CSMD1: variants seen among roughly 807,000 people sequenced by gnomAD.
CSMD1 encodes CUB and sushi domain-containing protein 1.
A neutral mutation model predicts 417.5 loss-of-function variants in CSMD1; 213 were observed. That is an observed-to-expected ratio of 0.51 (90% CI 0.46 to 0.57). The LOEUF (loss-of-function observed/expected upper bound fraction) is 0.57. Ranked by LOEUF, CSMD1 falls within the 20% of genes least tolerant of loss-of-function variation. The probability of loss-of-function intolerance (pLI) is 0.00; values close to 1 mark genes in which losing one functional copy is unlikely to be tolerated. For missense variants in CSMD1, 6,923 were observed against 4,529.7 expected (o/e 1.53, Z -15.17); for synonymous variants, 2,862 against 1,736.8 (o/e 1.65, Z -16.11).
At chr8:4,893,893 A>G (rs1804296536) in intron 1 of CSMD1, among the ~76,000 whole-genome samples, 1 of 152,016 alleles carries the variant, frequency 6.6e-6, no homozygotes, top group Admixed American at 6.6e-5. Context: ...AATCTATTTA[A>G]CCAAGGGGGC....
chr8:4,467,789 T>G (rs1800272159), intron 2 of CSMD1, among the ~76,000 whole-genome samples: 1 of 152,194 alleles, frequency 6.6e-6, no homozygotes, highest in Non-Finnish European at 1.5e-5. Context: ...TTACTATTTC[T>G]TATATGGGGA....
At chr8:3,871,086 A>G (rs1286073148) in intron 5 of CSMD1, among the ~76,000 whole-genome samples, 1 of 152,070 alleles carries the variant, frequency 6.6e-6, no homozygotes, top group Non-Finnish European at 1.5e-5. Flanking sequence ...AGCCTTATTT[A>G]ACAATTGTCC....
intron 37 of CSMD1, among the ~76,000 whole-genome samples, chr8:3,175,973 C>T (rs1484180908): frequency 6.6e-6 from 1 of 152,096 alleles, no homozygotes; most frequent in African/African-American, 2.4e-5. Context: ...ATAACTGCAA[C>T]AGTCTTTTGC....
intron 1 of CSMD1, among the ~76,000 whole-genome samples, chr8:4,854,582 G>T (rs189288338): frequency 2.0e-5 from 3 of 152,198 alleles, no homozygotes; most frequent in African/African-American, 7.2e-5. Context: ...GAAGCAGGGC[G>T]AGGCATTGCC....
intron 5 of CSMD1, among the ~76,000 whole-genome samples, chr8:3,955,155 A>C (rs1365498409): frequency 2.0e-5 from 3 of 152,126 alleles, no homozygotes; most frequent in Admixed American, 1.3e-4. Context: ...AGACAGAAGC[A>C]CTGACTGTCC....
At chr8:4,290,070 G>T (rs541552554) in intron 3 of CSMD1, among the ~76,000 whole-genome samples, 2 of 152,100 alleles carry the variant, frequency 1.3e-5, no homozygotes, top group Non-Finnish European at 2.9e-5. Flanking sequence ...AATTCAGCAC[G>T]GTCTTTTTTA....
At chr8:4,177,191 C>T (rs567458176) in intron 3 of CSMD1, among the ~76,000 whole-genome samples, 1 of 152,198 alleles carries the variant, frequency 6.6e-6, no homozygotes, top group South Asian at 2.1e-4. Context: ...TAAAGCTCTC[C>T]TCAGCAAATG....
chr8:4,674,330 G>C (rs1267633796), intron 1 of CSMD1, among the ~76,000 whole-genome samples: 2 of 152,122 alleles, frequency 1.3e-5, no homozygotes, highest in African/African-American at 4.8e-5. Flanking sequence ...AAAATGCTAA[G>C]GAAGGTAAAC....
chr8:3,785,653 G>C (rs1362187683), intron 5 of CSMD1, among the ~76,000 whole-genome samples: 1 of 152,178 alleles, frequency 6.6e-6, no homozygotes, highest in South Asian at 2.1e-4. Flanking sequence ...TGAAGGAAGA[G>C]TTGGCATCGC....
intron 3 of CSMD1, among the ~76,000 whole-genome samples, chr8:4,167,268 C>T (rs986956149): frequency 2.0e-5 from 3 of 152,040 alleles, no homozygotes; most frequent in African/African-American, 4.8e-5. Flanking sequence ...ACAGTTTTTC[C>T]TTGCAGTTTA....
chr8:3,664,462 G>A (rs1350271301), intron 7 of CSMD1, among the ~76,000 whole-genome samples: 6 of 152,206 alleles, frequency 3.9e-5, no homozygotes, highest in Non-Finnish European at 8.8e-5. Flanking sequence ...TGCTCAGAAA[G>A]CATAGGCAGC....
chr8:3,825,462 G>T (rs1287735954), intron 5 of CSMD1, among the ~76,000 whole-genome samples: 1 of 152,142 alleles, frequency 6.6e-6, no homozygotes, highest in Non-Finnish European at 1.5e-5. Context: ...CTGGGAAGTG[G>T]AAGTTGCAGT....
chr8:4,850,243 C>A (rs1306021937), intron 1 of CSMD1, among the ~76,000 whole-genome samples: 6 of 152,130 alleles, frequency 3.9e-5, no homozygotes, highest in Non-Finnish European at 1.5e-5. Context: ...TCCAAGAGTA[C>A]TTTCTATGTT....
At chr8:3,956,990 CT>C (rs2129939642) in intron 5 of CSMD1, among the ~76,000 whole-genome samples, 1 of 150,628 alleles carries the variant, frequency 6.6e-6, no homozygotes, top group Non-Finnish European at 1.5e-5. Context: ...CTTGTGGGCC[CT>C]AAAAAATGAA....
At chr8:4,075,058 G>A (rs1451443552) in intron 3 of CSMD1, among the ~76,000 whole-genome samples, 1 of 152,072 alleles carries the variant, frequency 6.6e-6, no homozygotes, top group Non-Finnish European at 1.5e-5. Flanking sequence ...AGTAAATAAT[G>A]CTCATACAGT....
At chr8:3,682,050 T>C (rs1011632545) in intron 7 of CSMD1, among the ~76,000 whole-genome samples, 2 of 152,120 alleles carry the variant, frequency 1.3e-5, no homozygotes, top group African/African-American at 4.8e-5. Flanking sequence ...TCAAGATGGA[T>C]TAAAGACTTA....
intron 5 of CSMD1, among the ~76,000 whole-genome samples, chr8:3,845,305 G>C (rs1056887892): frequency 5.3e-5 from 8 of 152,158 alleles, no homozygotes; most frequent in African/African-American, 1.9e-4. Flanking sequence ...AACCTAGGTG[G>C]ACTAGCCTAC....
rs192632635 is a variant in CSMD1, at chr8:4,865,548, G to A, written c.85+128784C>T. Among the ~76,000 whole-genome samples the A allele has an allele frequency of 4.1e-4, 63 of 151,896 alleles. 1 individual carries two copies. The highest frequency in any genetic ancestry group is 1.4e-3 in the African/African-American group (60 of 41,450). ...AGAAAATCACTTGGAGAAGAATGTC[G>A]CTCATCACCCCAACATGGAATGCAA... On this transcript the variant is annotated intron_variant, in intron 1 of 69. Coordinates refer to ENST00000635120, the MANE Select transcript of CSMD1 (RefSeq NM_033225.6).
intron 3 of CSMD1, among the ~76,000 whole-genome samples, chr8:4,137,931 G>A (rs909951257): frequency 6.6e-6 from 1 of 151,522 alleles, no homozygotes; most frequent in Non-Finnish European, 1.5e-5. Flanking sequence ...AGGTTGGAGT[G>A]CAGTGGCGCA....
Sources: allele counts gnomAD v4.1 joint callset (sites outside exome capture counted in the v4.1 genomes callset), GRCh38; gene constraint gnomAD v4.1.1; transcripts MANE v1.5; gene names NCBI Gene and HGNC (gene_info 2026-07-23, HGNC 2026-07-21).